Variants in POU6F2 observed in about 807,000 individuals in gnomAD.
POU6F2 encodes the protein POU domain, class 6, transcription factor 2.
POU6F2 carries 31 observed loss-of-function variants against 71.3 expected under a neutral mutation model. The ratio of observed to expected loss-of-function variants is 0.43; its 90% CI spans 0.33 to 0.59. The LOEUF is 0.59. POU6F2 is among the 20% of genes least tolerant of loss of function. The pLI, the probability that POU6F2 is intolerant of heterozygous loss-of-function variation, is 0.04. For synonymous variants in POU6F2, 347 were observed against 355.7 expected (o/e 0.98, Z 0.27); for missense variants, 783 against 856.8 (o/e 0.91, Z 1.07).
intron 5 of POU6F2, among the ~76,000 whole-genome samples, chr7:39,371,627 C>A (rs1290363377): frequency 6.6e-6 from 1 of 152,128 alleles, no homozygotes; most frequent in Admixed American, 6.5e-5. Context: ...CTACAGATGT[C>A]CCCTTGAGCC....
At chr7:39,189,978 C>T (rs1251880832) in intron 2 of POU6F2, among the ~76,000 whole-genome samples, 6 of 151,884 alleles carry the variant, frequency 4.0e-5, no homozygotes, top group Admixed American at 2.0e-4. Context: ...ACCAAAGCCC[C>T]GACTGCCCAA....
At chr7:39,138,212 T>C (rs1263077262) in intron 2 of POU6F2, among the ~76,000 whole-genome samples, 1 of 152,224 alleles carries the variant, frequency 6.6e-6, no homozygotes, top group Non-Finnish European at 1.5e-5. Flanking sequence ...TGGATGTTGG[T>C]GAGAAATAAA....
At chr7:39,397,363 A>G (rs1787193956) in intron 5 of POU6F2, among the ~76,000 whole-genome samples, 2 of 148,176 alleles carry the variant, frequency 1.3e-5, no homozygotes, top group East Asian at 3.9e-4. Flanking sequence ...ATATATAGAC[A>G]AATATATAGA....
chr7:39,042,868 A>G (rs559233864), intron 1 of POU6F2, among the ~76,000 whole-genome samples: 31 of 152,080 alleles, frequency 2.0e-4, no homozygotes, highest in Admixed American at 3.3e-4. Context: ...TAACTGGGGC[A>G]GGGAGAATAG....
At chr7:39,174,573 A>G (rs757712077) in intron 2 of POU6F2, among the ~76,000 whole-genome samples, 9 of 152,102 alleles carry the variant, frequency 5.9e-5, no homozygotes, top group Non-Finnish European at 7.4e-5. Flanking sequence ...GAGGTATCCT[A>G]TCACGGCCAA....
chr7:39,417,459 C>T (rs1317654073), intron 6 of POU6F2, among the ~76,000 whole-genome samples: 2 of 152,164 alleles, frequency 1.3e-5, no homozygotes, highest in Non-Finnish European at 2.9e-5. Context: ...AGCCATTACT[C>T]CAAATTGCCA....
intron 4 of POU6F2, among the ~76,000 whole-genome samples, chr7:39,328,432 T>C (rs1785565456): frequency 6.6e-6 from 1 of 152,208 alleles, no homozygotes; most frequent in African/African-American, 2.4e-5. Context: ...TATTGTTGAC[T>C]TTTCAAGAGA....
At chr7:39,419,135 A>G (rs1461921811) in intron 6 of POU6F2, among the ~76,000 whole-genome samples, 1,193 of 117,196 alleles carry the variant, frequency 0.01, 15 homozygotes, top group Middle Eastern at 0.032. Flanking sequence ...ATATATACAC[A>G]TATATATACG....
rs763246965 is a variant in POU6F2 at position 39,451,553 on chromosome 7, G to A, written c.1341G>A (p.Thr447=). ...TGTAGCTCCACCAACCCTCCCAGAC[G>A]TCAGTGGGTCAAGCAGCCTCCCAAG... ...PGQQLHQPSQ[T]SVGQAASQGN... The change falls in exon 8 of 10, where the codon ACG becomes ACA. Residue 447 remains threonine, a synonymous_variant. Coordinates refer to ENST00000518318, the MANE Select transcript of POU6F2 (RefSeq NM_001370959.1). 3.8e-5 allele frequency: 62 copies of A among 1,613,158 alleles called. No homozygotes were observed. The highest frequency in any genetic ancestry group is 1.1e-4 in the East Asian group (5 of 44,868).
intron 5 of POU6F2, among the ~76,000 whole-genome samples, chr7:39,360,253 A>G (rs1786350306): frequency 6.6e-6 from 1 of 152,214 alleles, no homozygotes; most frequent in Non-Finnish European, 1.5e-5. Flanking sequence ...ACTGCCCACA[A>G]TGCAGTTACC....
intron 4 of POU6F2, among the ~76,000 whole-genome samples, chr7:39,222,401 A>T (rs931537144): frequency 6.6e-6 from 1 of 152,230 alleles, no homozygotes; most frequent in Non-Finnish European, 1.5e-5. Context: ...ATTGGAGTAA[A>T]ATATACCTAA....
At chr7:38,995,693 T>C (rs1352591145) in intron 1 of POU6F2, among the ~76,000 whole-genome samples, 2 of 152,206 alleles carry the variant, frequency 1.3e-5, no homozygotes, top group East Asian at 1.9e-4. Flanking sequence ...TCACCTTTTA[T>C]AGCTTTTATA....
chr7:39,122,918 G>T (rs1030794471), intron 2 of POU6F2, among the ~76,000 whole-genome samples: 1 of 152,006 alleles, frequency 6.6e-6, no homozygotes, highest in Non-Finnish European at 1.5e-5. Context: ...ATGTTGACCA[G>T]GCTGGTCTCA....
chr7:39,328,978 G>A (rs1405609955), intron 4 of POU6F2: 1 of 154,094 alleles, frequency 6.5e-6, no homozygotes, highest in Non-Finnish European at 1.4e-5. Context: ...CCAGTTCAAG[G>A]ATATTTAGAT....
At chr7:38,991,352 A>C (rs1788598514) in intron 1 of POU6F2, among the ~76,000 whole-genome samples, 1 of 152,204 alleles carries the variant, frequency 6.6e-6, no homozygotes, top group East Asian at 1.9e-4. Context: ...TATAAATCTC[A>C]TTGAAAACCG....
chr7:39,046,600 G>A (rs1294453309), intron 1 of POU6F2, among the ~76,000 whole-genome samples: 2 of 151,864 alleles, frequency 1.3e-5, no homozygotes, highest in East Asian at 3.9e-4. Flanking sequence ...TGCAATAGCA[G>A]CATTCTTGAT....
At chr7:39,453,659 T>A (rs1788713704) in intron 8 of POU6F2, among the ~76,000 whole-genome samples, 2 of 152,240 alleles carry the variant, frequency 1.3e-5, no homozygotes, top group Non-Finnish European at 2.9e-5. Flanking sequence ...AGCTGGGCAG[T>A]GAAGGATTAG....
intron 1 of POU6F2, among the ~76,000 whole-genome samples, chr7:38,999,377 G>A (rs1363957025): frequency 1.3e-5 from 2 of 152,106 alleles, no homozygotes; most frequent in Non-Finnish European, 2.9e-5. Context: ...TTTCATAAAG[G>A]CATGATCCAA....
intron 1 of POU6F2, among the ~76,000 whole-genome samples, chr7:39,069,321 A>G (rs2128717722): frequency 6.6e-6 from 1 of 152,208 alleles, no homozygotes; most frequent in East Asian, 1.9e-4. Context: ...TGAGTGTTAG[A>G]GAAGAGACTT....
Sources: allele counts gnomAD v4.1 joint callset (sites outside exome capture counted in the v4.1 genomes callset), GRCh38; gene constraint gnomAD v4.1.1; transcripts MANE v1.5; gene names NCBI Gene and HGNC (gene_info 2026-07-23, HGNC 2026-07-21).